The following NELL2 variants were observed in gnomAD, a reference collection of about 807,000 sequenced individuals.
NELL2 encodes the protein neural EGFL like 2.
NELL2 carries 41 observed loss-of-function variants against 109.6 expected under a neutral mutation model. The observed-to-expected ratio is 0.37, with a 90% CI of 0.29 to 0.49. The LOEUF (loss-of-function observed/expected upper bound fraction) is 0.49. Ranked by LOEUF, NELL2 falls within the 20% of genes least tolerant of loss-of-function variation. NELL2 has a pLI of 0.98. For missense variants in NELL2, 900 were observed against 1,008.3 expected (o/e 0.89, Z 1.45); for synonymous variants, 355 against 344.7 (o/e 1.03, Z -0.33).
chr12:44,540,779 GCC>G (rs1942517733), intron 15 of NELL2, among the ~76,000 whole-genome samples: 1 of 6,582 alleles, frequency 1.5e-4, no homozygotes, highest in Non-Finnish European at 2.6e-4. Context: ...AAGTCTGCAA[GCC>G]AAAAAAAAAA....
chr12:44,571,953 GCAAA>G (rs1470293862), intron 15 of NELL2, among the ~76,000 whole-genome samples: 1 of 151,580 alleles, frequency 6.6e-6, no homozygotes, highest in East Asian at 1.9e-4. Flanking sequence ...AGCACAATAA[GCAAA>G]CAAACAAAAA....
At chr12:44,720,349 AAAT>A (rs1455434900) in intron 9 of NELL2, among the ~76,000 whole-genome samples, 2 of 152,122 alleles carry the variant, frequency 1.3e-5, no homozygotes, top group Non-Finnish European at 2.9e-5. Context: ...AGAAATCTAA[AAAT>A]AAGTGAACTG....
intron 12 of NELL2, among the ~76,000 whole-genome samples, chr12:44,674,802 G>A (rs908357059): frequency 2.0e-5 from 3 of 152,024 alleles, no homozygotes; most frequent in Non-Finnish European, 4.4e-5. Flanking sequence ...AGTCTTAAGT[G>A]GTTACTAATC....
At chr12:44,834,756 G>A (rs1459154609) in intron 2 of NELL2, among the ~76,000 whole-genome samples, 5 of 152,054 alleles carry the variant, frequency 3.3e-5, no homozygotes, top group South Asian at 4.1e-4. Flanking sequence ...AGCAGATCCC[G>A]GGGTCTTCTC....
At chr12:44,721,584 A>G (rs1445276417) in intron 9 of NELL2, among the ~76,000 whole-genome samples, 2 of 152,144 alleles carry the variant, frequency 1.3e-5, no homozygotes, top group African/African-American at 4.8e-5. Flanking sequence ...TGGTCAATAC[A>G]GGAACATCGT....
chr12:44,812,434 G>T (rs1943210417), intron 3 of NELL2, among the ~76,000 whole-genome samples: 1 of 152,134 alleles, frequency 6.6e-6, no homozygotes, highest in African/African-American at 2.4e-5. Flanking sequence ...TATGTGTATG[G>T]TTTCAGTGCC....
chr12:44,831,113 CTTTAAATTAAACTCACTA>C (rs1943874884), intron 2 of NELL2, among the ~76,000 whole-genome samples: 1 of 151,970 alleles, frequency 6.6e-6, no homozygotes, highest in Non-Finnish European at 1.5e-5. Context: ...TGTGAGTTTT[CTTTAAATTAAACTCACTA>C]TTTAAATACC....
intron 2 of NELL2, chr12:44,851,865 G>C (rs1791734169): frequency 6.6e-6 from 1 of 152,118 alleles, no homozygotes; most frequent in African/African-American, 2.4e-5. Context: ...AGCTGAATCT[G>C]TTTTGTGGAG....
intron 1 of NELL2, 98 bp downstream of exon 1, chr12:44,875,717 A>C: frequency 6.2e-7 from 1 of 1,607,380 alleles, no homozygotes; most frequent in Non-Finnish European, 8.5e-7. Flanking sequence ...CTCCAGACCT[A>C]CTTTGGGTCC....
At chr12:44,681,603 T>C (rs1391545189) in intron 12 of NELL2, among the ~76,000 whole-genome samples, 1 of 152,010 alleles carries the variant, frequency 6.6e-6, no homozygotes, top group Non-Finnish European at 1.5e-5. Flanking sequence ...GACTGTGATG[T>C]TCCCCTCCCT....
At chr12:44,534,393 G>A (rs1942211604) in intron 15 of NELL2, among the ~76,000 whole-genome samples, 1 of 152,032 alleles carries the variant, frequency 6.6e-6, no homozygotes, top group Non-Finnish European at 1.5e-5. Context: ...CCTCTGTGGT[G>A]CCTCTTCTTT....
intron 15 of NELL2, among the ~76,000 whole-genome samples, chr12:44,551,605 C>T (rs915618553): frequency 1.3e-5 from 2 of 152,110 alleles, no homozygotes; most frequent in Admixed American, 1.3e-4. Flanking sequence ...TCAGTGCCTA[C>T]CCTCAGTTCA....
At chr12:44,677,432 G>A (rs1566139979) in intron 12 of NELL2, among the ~76,000 whole-genome samples, 1 of 152,064 alleles carries the variant, frequency 6.6e-6, no homozygotes, top group African/African-American at 2.4e-5. Flanking sequence ...CCTAATCCCT[G>A]AGACAACCAC....
At chr12:44,848,141 A>G (rs535629972) in intron 2 of NELL2, among the ~76,000 whole-genome samples, 1 of 152,126 alleles carries the variant, frequency 6.6e-6, no homozygotes, top group Non-Finnish European at 1.5e-5. Context: ...AGCCACATCA[A>G]AGTAAACACT....
intron 13 of NELL2, among the ~76,000 whole-genome samples, chr12:44,626,227 T>C (rs958622543): frequency 1.3e-5 from 2 of 152,170 alleles, no homozygotes; most frequent in African/African-American, 4.8e-5. Flanking sequence ...CCATTTTGAA[T>C]AAAATATAAA....
intron 12 of NELL2, among the ~76,000 whole-genome samples, chr12:44,684,415 C>G (rs1948641629): frequency 6.6e-6 from 1 of 152,076 alleles, no homozygotes; most frequent in Non-Finnish European, 1.5e-5. Context: ...GTCTCTATTT[C>G]CTTCAGTTCT....
chr12:44,569,795 G>T (rs1243532684), intron 15 of NELL2, among the ~76,000 whole-genome samples: 1 of 152,152 alleles, frequency 6.6e-6, no homozygotes, highest in East Asian at 1.9e-4. Context: ...TATATTCAGA[G>T]AGGTCTTTGA....
intron 12 of NELL2, among the ~76,000 whole-genome samples, chr12:44,681,862 A>G (rs1004673961): frequency 1.4e-4 from 21 of 151,718 alleles, no homozygotes; most frequent in African/African-American, 5.1e-4. Context: ...ATTGTGAATA[A>G]TGCCGCAATA....
At chr12:44,754,664 G>T (rs1940804522) in intron 9 of NELL2, among the ~76,000 whole-genome samples, 1 of 152,116 alleles carries the variant, frequency 6.6e-6, no homozygotes, top group Non-Finnish European at 1.5e-5. Flanking sequence ...TAAAATGACT[G>T]CTATTTATGG....
Sources: gnomAD v4.1 joint callset for allele counts (sites outside exome capture counted in the v4.1 genomes callset) on GRCh38, gnomAD v4.1.1 for gene constraint, MANE v1.5 for transcripts, NCBI Gene and HGNC (gene_info 2026-07-23, HGNC 2026-07-21) for gene names.